PLCXD3: variants seen among roughly 807,000 people sequenced by gnomAD.
PLCXD3 encodes the protein phosphatidylinositol specific phospholipase C X domain containing 3, also known as PI-PLC X domain-containing protein 3.
PLCXD3 carries 19 observed loss-of-function variants against 25.5 expected under a neutral mutation model. That is an observed-to-expected ratio of 0.75 (90% confidence interval 0.52 to 1.09). PLCXD3 has a LOEUF of 1.09. Among genes scored for constraint, PLCXD3 ranks in the 50% least tolerant of loss-of-function variants. The pLI is 0.00. For synonymous variants in PLCXD3, 174 were observed against 137.6 expected, an observed-to-expected ratio of 1.26 and a Z score of -1.85; for missense variants, 411 against 388.1, an observed-to-expected ratio of 1.06 and a Z score of -0.50.
At chr5:41,495,420 A>G (rs956913466) in intron 1 of PLCXD3, among the ~76,000 whole-genome samples, 8 of 152,254 alleles carry the variant, frequency 5.3e-5, no homozygotes, top group African/African-American at 1.9e-4. Flanking sequence ...TCCCTCAGGA[A>G]GGAAAGGGAA....
chr5:41,378,878 C>A (rs193048307), intron 2 of PLCXD3, among the ~76,000 whole-genome samples: 1 of 152,120 alleles, frequency 6.6e-6, no homozygotes, highest in East Asian at 1.9e-4. Context: ...TTGAAAACTT[C>A]TAAATTACAT....
At chr5:41,326,486 C>G (rs1743631103) in intron 2 of PLCXD3, among the ~76,000 whole-genome samples, 1 of 152,096 alleles carries the variant, frequency 6.6e-6, no homozygotes, top group African/African-American at 2.4e-5. Flanking sequence ...CTACCATCTC[C>G]TCCTCAACCT....
At chr5:41,470,798 C>G (rs746409109) in intron 1 of PLCXD3, among the ~76,000 whole-genome samples, 17 of 152,110 alleles carry the variant, frequency 1.1e-4, no homozygotes, top group Non-Finnish European at 2.4e-4. Context: ...GAAAAAAATA[C>G]CTTCCACCAA....
At chr5:41,394,288 A>G (rs1745930460) in intron 1 of PLCXD3, among the ~76,000 whole-genome samples, 1 of 152,156 alleles carries the variant, frequency 6.6e-6, no homozygotes, top group African/African-American at 2.4e-5. Context: ...CAGAAAAATG[A>G]ATACATAAAA....
In PLCXD3 at chr5:41,382,107, C is replaced by T. The variant is rs1180784745; in HGVS notation, c.531G>A (p.Gln177=). 6.2e-7 allele frequency: 1 copy of T among 1,613,732 alleles called. No individual in the cohort carries two copies. The highest frequency in any genetic ancestry group is 2.2e-5 in the East Asian group (1 of 44,848). ...CCCACAGGTACTTTAAACTAACTTCCTGGGCAAAAATCGCTGGGCACATTT... is the reference window on the plus strand; with the variant it reads ...CCCACAGGTACTTTAAACTAACTTCTTGGGCAAAAATCGCTGGGCACATTT... ...GNKMCPAIFA[Q]EVSLKYLWEK... The change falls in exon 2 of 3, where the codon CAG becomes CAA. Residue 177 remains glutamine, a synonymous_variant. Coordinates refer to ENST00000377801, the MANE Select transcript of PLCXD3 (RefSeq NM_001005473.3).
chr5:41,473,598 G>A (rs894225573), intron 1 of PLCXD3, among the ~76,000 whole-genome samples: 31 of 151,850 alleles, frequency 2.0e-4, no homozygotes, highest in African/African-American at 6.5e-4. Context: ...GACTAGAGGC[G>A]CTCACCACCA....
intron 2 of PLCXD3, among the ~76,000 whole-genome samples, chr5:41,345,337 T>C (rs1744268454): frequency 6.6e-6 from 1 of 152,136 alleles, no homozygotes; most frequent in Non-Finnish European, 1.5e-5. Context: ...GGTGAGTGGC[T>C]TGCCCCTGCT....
intron 1 of PLCXD3, among the ~76,000 whole-genome samples, chr5:41,509,683 G>C (rs1163101353): frequency 2.0e-5 from 3 of 152,180 alleles, no homozygotes; most frequent in Non-Finnish European, 4.4e-5. Flanking sequence ...CTTCTGTCCC[G>C]AGCAGTAAAC....
intron 1 of PLCXD3, among the ~76,000 whole-genome samples, chr5:41,468,822 T>A (rs1748084427): frequency 6.6e-6 from 1 of 152,210 alleles, no homozygotes; most frequent in Non-Finnish European, 1.5e-5. Context: ...ACATATAAAA[T>A]ATAGAGACAA....
intron 2 of PLCXD3, among the ~76,000 whole-genome samples, chr5:41,370,034 C>T (rs1745047168): frequency 6.6e-6 from 1 of 152,158 alleles, no homozygotes; most frequent in African/African-American, 2.4e-5. Flanking sequence ...GATAGGATGT[C>T]ACAGCCCCAG....
At chr5:41,443,345 A>G (rs1275982394) in intron 1 of PLCXD3, among the ~76,000 whole-genome samples, 1 of 152,060 alleles carries the variant, frequency 6.6e-6, no homozygotes, top group Non-Finnish European at 1.5e-5. Context: ...GCCATACCAT[A>G]TAGCCTAGGT....
At chr5:41,463,079 T>G (rs1306684018) in intron 1 of PLCXD3, among the ~76,000 whole-genome samples, 1 of 152,084 alleles carries the variant, frequency 6.6e-6, no homozygotes, top group Non-Finnish European at 1.5e-5. Context: ...AATAGCATTA[T>G]GTAGGACTCT....
intron 1 of PLCXD3, among the ~76,000 whole-genome samples, chr5:41,486,602 T>C (rs983164575): frequency 2.0e-5 from 3 of 151,806 alleles, no homozygotes; most frequent in African/African-American, 2.4e-5. Context: ...AATTTGAGAG[T>C]CTTCAACTGA....
chr5:41,376,010 G>A (rs1745283564), intron 2 of PLCXD3, among the ~76,000 whole-genome samples: 1 of 152,060 alleles, frequency 6.6e-6, no homozygotes, highest in African/African-American at 2.4e-5. Context: ...CACAAATCAT[G>A]TAGCGCTCTT....
chr5:41,416,415 G>T (rs1314382561), intron 1 of PLCXD3, among the ~76,000 whole-genome samples: 1 of 152,216 alleles, frequency 6.6e-6, no homozygotes. Flanking sequence ...CAGAAGGAAG[G>T]TCTGTGTACC....
chr5:41,397,131 G>C (rs1413600481), intron 1 of PLCXD3, among the ~76,000 whole-genome samples: 1 of 152,332 alleles, frequency 6.6e-6, no homozygotes, highest in East Asian at 1.9e-4. Context: ...AATGCTAATA[G>C]CCAAGGCAAT....
At chr5:41,338,802 A>T (rs1362757883) in intron 2 of PLCXD3, among the ~76,000 whole-genome samples, 1 of 151,906 alleles carries the variant, frequency 6.6e-6, no homozygotes, top group Non-Finnish European at 1.5e-5. Context: ...CTTTCCTTAG[A>T]TTTTTCAGCT....
chr5:41,335,528 CTG>C (rs1386978832), intron 2 of PLCXD3, among the ~76,000 whole-genome samples: 3 of 152,008 alleles, frequency 2.0e-5, no homozygotes, highest in Admixed American at 2.0e-4. Context: ...CTAGCGTATT[CTG>C]TGTGTCTTTA....
chr5:41,339,394 G>C (rs1336804894), intron 2 of PLCXD3, among the ~76,000 whole-genome samples: 2 of 152,110 alleles, frequency 1.3e-5, no homozygotes, highest in African/African-American at 4.8e-5. Context: ...ATCTGAGTAA[G>C]TCTCTTCTGG....
Sources: allele counts gnomAD v4.1 joint callset (sites outside exome capture counted in the v4.1 genomes callset), GRCh38; gene constraint gnomAD v4.1.1; transcripts MANE v1.5; gene names NCBI Gene and HGNC (gene_info 2026-07-23, HGNC 2026-07-21).